Variants in PDE1C observed in about 807,000 individuals in gnomAD.
PDE1C encodes the protein dual specificity calcium/calmodulin-dependent 3',5'-cyclic nucleotide phosphodiesterase 1C.
PDE1C carries 62 observed loss-of-function variants against 93.1 expected under a neutral mutation model. The observed-to-expected ratio is 0.67, with a 90% CI of 0.54 to 0.82. The LOEUF is 0.82. Among genes scored for constraint, PDE1C ranks in the 40% least tolerant of loss-of-function variants. The probability of loss-of-function intolerance (pLI) is 0.00; values close to 1 mark genes in which losing one functional copy is unlikely to be tolerated. For synonymous variants in PDE1C, 325 were observed against 310.1 expected, an observed-to-expected ratio of 1.05 and a Z score of -0.50; for missense variants, 742 against 884.6, an observed-to-expected ratio of 0.84 and a Z score of 2.04.
intron 7 of PDE1C, among the ~76,000 whole-genome samples, chr7:31,859,449 AT>A: frequency 1.2e-5 from 1 of 81,846 alleles, no homozygotes; most frequent in Non-Finnish European, 3.2e-5. Flanking sequence ...TATAACTTTA[AT>A]AATATAAATA....
intron 1 of PDE1C, among the ~76,000 whole-genome samples, chr7:32,358,372 G>A (rs1784070344): frequency 6.6e-6 from 1 of 152,186 alleles, no homozygotes; most frequent in Non-Finnish European, 1.5e-5. Context: ...CCAAATAGCA[G>A]CACAATATAA....
chr7:32,368,905 T>C (rs1179817174), intron 1 of PDE1C, among the ~76,000 whole-genome samples: 2 of 152,124 alleles, frequency 1.3e-5, no homozygotes, highest in African/African-American at 4.8e-5. Flanking sequence ...AAAGACACTC[T>C]CATCAACAAA....
the PDE1C span, among the ~76,000 whole-genome samples, chr7:31,661,213 A>T: frequency 6.6e-6 from 1 of 152,154 alleles, no homozygotes; most frequent in Non-Finnish European, 1.5e-5. Context: ...TGAGCATCCA[A>T]TAAGCCACTG....
intron 2 of PDE1C, among the ~76,000 whole-genome samples, chr7:32,044,437 A>T (rs1180317595): frequency 6.6e-6 from 1 of 152,170 alleles, no homozygotes; most frequent in Non-Finnish European, 1.5e-5. Context: ...AGACAAGAAG[A>T]TAGGCATTTA....
chr7:32,163,007 C>T (rs1469776830), intron 3 of PDE1C, among the ~76,000 whole-genome samples: 2 of 152,164 alleles, frequency 1.3e-5, no homozygotes, highest in Admixed American at 6.5e-5. Flanking sequence ...GCAATAAAAA[C>T]TTCTCTAGGC....
chr7:32,107,965 C>G (rs1156493764), intron 3 of PDE1C, among the ~76,000 whole-genome samples: 1 of 151,172 alleles, frequency 6.6e-6, no homozygotes, highest in Non-Finnish European at 1.5e-5. Context: ...ATTGCAAATT[C>G]TAGGGCAATC....
At chr7:31,838,038 T>A in intron 9 of PDE1C, 67 bp from the exon 10 acceptor site, 1 of 1,064,706 alleles carries the variant, frequency 9.4e-7, no homozygotes, top group South Asian at 1.3e-5. Context: ...TCAGTGTTTT[T>A]TTTTTGCCAC....
At chr7:31,935,215 C>G (rs989945504) in intron 2 of PDE1C, among the ~76,000 whole-genome samples, 1 of 152,102 alleles carries the variant, frequency 6.6e-6, no homozygotes, top group Non-Finnish European at 1.5e-5. Context: ...TAGATGAAAA[C>G]GATAAAAACT....
chr7:31,868,134 A>G (rs1195348446), intron 6 of PDE1C, among the ~76,000 whole-genome samples: 2 of 152,236 alleles, frequency 1.3e-5, no homozygotes, highest in Non-Finnish European at 2.9e-5. Context: ...CACAATAAAC[A>G]TTTATAAAGC....
chr7:32,190,435 C>T (rs936661049), intron 2 of PDE1C, among the ~76,000 whole-genome samples: 1 of 152,182 alleles, frequency 6.6e-6, no homozygotes, highest in South Asian at 2.1e-4. Flanking sequence ...GCTTGGCACA[C>T]TATTGAGTTG....
chr7:32,188,117 G>T (rs922277774), intron 2 of PDE1C, among the ~76,000 whole-genome samples: 1 of 151,976 alleles, frequency 6.6e-6, no homozygotes, highest in Non-Finnish European at 1.5e-5. Context: ...TGCTGTAGAA[G>T]AGAATTAGGA....
chr7:31,627,073 A>G, the PDE1C span, among the ~76,000 whole-genome samples: 2,083 of 152,338 alleles, frequency 0.014, 57 homozygotes, highest in African/African-American at 0.047. Context: ...AATACAATTC[A>G]AAAGTACTCC....
chr7:31,831,519 C>T (rs951045402), intron 11 of PDE1C, among the ~76,000 whole-genome samples: 5 of 151,334 alleles, frequency 3.3e-5, no homozygotes, highest in East Asian at 3.9e-4. Context: ...CACACACACA[C>T]GCACATACAC....
At chr7:31,773,570 C>T (rs9655321) in intron 17 of PDE1C, among the ~76,000 whole-genome samples, 20,062 of 151,744 alleles carry the variant, frequency 0.13, 1,650 homozygotes, top group Non-Finnish European at 0.18. Context: ...CAAGCAGAGA[C>T]GAGATGCGAG....
chr7:32,032,215 G>C (rs1036056654), intron 2 of PDE1C, among the ~76,000 whole-genome samples: 1 of 152,216 alleles, frequency 6.6e-6, no homozygotes, highest in African/African-American at 2.4e-5. Context: ...CCCACATGGG[G>C]TCCTGGAGAG....
intron 2 of PDE1C, among the ~76,000 whole-genome samples, chr7:31,946,308 T>C (rs1806601194): frequency 6.6e-6 from 1 of 152,060 alleles, no homozygotes; most frequent in South Asian, 2.1e-4. Flanking sequence ...AAACCCCTCA[T>C]GGTCTTTGGA....
chr7:31,956,666 AC>A (rs1808192551), intron 2 of PDE1C, among the ~76,000 whole-genome samples: 1 of 151,332 alleles, frequency 6.6e-6, no homozygotes, highest in African/African-American at 2.4e-5. Context: ...AACAACAAAA[AC>A]AAAAAAAAAA....
intron 2 of PDE1C, among the ~76,000 whole-genome samples, chr7:31,884,142 C>T (rs184263847): frequency 3.9e-5 from 6 of 152,188 alleles, no homozygotes; most frequent in Admixed American, 3.3e-4. Context: ...TAGAACAACC[C>T]GTCACTCTGT....
chr7:31,785,243 A>C (rs1402781331), intron 16 of PDE1C: 1 of 152,140 alleles, frequency 6.6e-6, no homozygotes, highest in Non-Finnish European at 1.5e-5. Flanking sequence ...CATTCACCCC[A>C]CAAAGGGGGA....
Sources: gnomAD v4.1 joint callset for allele counts (sites outside exome capture counted in the v4.1 genomes callset) on GRCh38, gnomAD v4.1.1 for gene constraint, MANE v1.5 for transcripts, NCBI Gene and HGNC (gene_info 2026-07-23, HGNC 2026-07-21) for gene names.